NBPF19: variants seen among roughly 807,000 people sequenced by gnomAD.
NBPF19 encodes NBPF member 19.
NBPF19 carries 30 observed loss-of-function variants against 45.9 expected under a neutral mutation model. The ratio of observed to expected loss-of-function variants is 0.65; its 90% CI spans 0.49 to 0.89. The LOEUF is 0.89. Among genes scored for constraint, NBPF19 ranks in the 40% least tolerant of loss-of-function variants. NBPF19 has a pLI of 0.00. For synonymous variants in NBPF19, 183 were observed against 181.2 expected (o/e 1.01, Z -0.08); for missense variants, 495 against 471.8 (o/e 1.05, Z -0.46).
rs1258519327 is a variant in NBPF19 at position 149,554,471 on chromosome 1, C to G, written c.11289-24C>G. 51 of 1,607,854 alleles carry G rather than the reference C, an allele frequency of 3.2e-5. 5 individuals carry two copies. The highest frequency in any genetic ancestry group is 4.2e-5 in the Non-Finnish European group (49 of 1,176,668). Reference sequence around the variant, plus strand: ...GGTGTCTGATTTTCCCTGGCTGCTTCTTTAGTTTTGTCTCCTTTTCCAGGC... The same window carrying G: ...GGTGTCTGATTTTCCCTGGCTGCTTGTTTAGTTTTGTCTCCTTTTCCAGGC... On this transcript the variant is annotated intron_variant, in intron 93 of 93. Coordinates refer to ENST00000651566, the MANE Select transcript of NBPF19 (RefSeq NM_001351365.2).
chr1:149,490,917 TGTGC>T lies in NBPF19; in HGVS notation c.1491-218_1491-215del, dbSNP rs1264217637. Among the ~76,000 whole-genome samples the T allele has an allele frequency of 1.4e-4, 18 of 131,102 alleles. 3 individuals are homozygous for T. The highest frequency in any genetic ancestry group is 5.6e-4 in the East Asian group (2 of 3,574). The allele number at this position is 131,102 out of a possible 152,430, so 86.0% of individuals were successfully genotyped here. On this transcript the variant is annotated intron_variant, in intron 13 of 93. Coordinates refer to ENST00000651566, the MANE Select transcript of NBPF19 (RefSeq NM_001351365.2). ...CTCTCTCTGTGTGTGTGTGTGTGTG[TGTGC>T]GTGTGTGTGTGTGTGTGTGTGTGTC... is the stretch of plus-strand genomic sequence containing the variant.
intron 73 of NBPF19, among the ~76,000 whole-genome samples, chr1:149,538,452 T>C (rs1191985356): frequency 5.5e-4 from 19 of 34,356 alleles, no homozygotes; most frequent in Non-Finnish European, 1.3e-3. Flanking sequence ...TGTGTGTGTG[T>C]GTGTGTGTGT....
At chr1:149,483,801 C>T (rs2085350575) in intron 7 of NBPF19, among the ~76,000 whole-genome samples, 2 of 61,250 alleles carry the variant, frequency 3.3e-5, no homozygotes. Flanking sequence ...CTTTGTTTGG[C>T]TGGATATGAA....
chr1:149,476,883 C>T (rs2084866420), intron 2 of NBPF19, among the ~76,000 whole-genome samples: 1 of 148,334 alleles, frequency 6.7e-6, no homozygotes, highest in African/African-American at 2.5e-5. Context: ...TGCAGTGAGC[C>T]AAGATTGCAC....
At chr1:149,494,136 C>T (rs2085988060) in intron 17 of NBPF19, among the ~76,000 whole-genome samples, 182 bp from the exon 18 acceptor site, 1 of 132,808 alleles carries the variant, frequency 7.5e-6, no homozygotes, top group Non-Finnish European at 1.5e-5. Context: ...CTGTCTTTCT[C>T]TTTCATTCTT....
intron 7 of NBPF19, among the ~76,000 whole-genome samples, chr1:149,484,554 T>TG (rs1443147395): frequency 1.4e-5 from 2 of 143,894 alleles, no homozygotes; most frequent in African/African-American, 5.2e-5. Flanking sequence ...ACTATACATA[T>TG]GGAAAAAAAA....
chr1:149,554,454 A>G lies in NBPF19; in HGVS notation c.11289-41A>G, dbSNP rs1453194917. ...ATCTAGTGGGGCTCTGTGGTGTCTGATTTTCCCTGGCTGCTTCTTTAGTTT... is the reference window on the plus strand; with the variant it reads ...ATCTAGTGGGGCTCTGTGGTGTCTGGTTTTCCCTGGCTGCTTCTTTAGTTT... On this transcript the variant is annotated intron_variant, in intron 93 of 93. Transcript: ENST00000651566. 3.1e-6 allele frequency: 5 copies of G among 1,607,166 alleles called. 1 individual carries two copies. The highest frequency in any genetic ancestry group is 1.3e-5 in the African/African-American group (1 of 74,412).
intron 9 of NBPF19, among the ~76,000 whole-genome samples, 160 bp downstream of exon 9, chr1:149,487,543 T>C (rs2085624736): frequency 6.6e-6 from 1 of 151,230 alleles, no homozygotes. Context: ...AGTAAATGTT[T>C]AGGTTTCCAT....
intron 13 of NBPF19, 74 bp from the exon 14 acceptor site, chr1:149,491,065 C>T (rs1414279163): frequency 9.2e-6 from 3 of 325,548 alleles, no homozygotes; most frequent in African/African-American, 9.6e-5. Flanking sequence ...CCTATGCTAC[C>T]CATGAAACCT....
chr1:149,528,871 C>G (rs1167643106), intron 61 of NBPF19, among the ~76,000 whole-genome samples: 1 of 122,572 alleles, frequency 8.2e-6, no homozygotes, highest in Non-Finnish European at 1.7e-5. Flanking sequence ...GTCCTGAGGG[C>G]ACTAACTCAG....
chr1:149,487,473 T>A, intron 9 of NBPF19, 90 bp downstream of exon 9: 1 of 981,248 alleles, frequency 1.0e-6, no homozygotes, highest in Non-Finnish European at 1.6e-6. Flanking sequence ...AAAATAATGA[T>A]TTTGTCTTGT....
chr1:149,477,596 G>T (rs1475879096), intron 2 of NBPF19, among the ~76,000 whole-genome samples: 1 of 151,432 alleles, frequency 6.6e-6, no homozygotes, highest in African/African-American at 2.4e-5. Flanking sequence ...ACTACTTCAT[G>T]CCCCAGTGCA....
rs1485320451 is a variant in NBPF19, at chr1:149,554,780, G to A, written c.*42G>A. 3.3e-3 allele frequency: 5,259 copies of A among 1,606,850 alleles called. 137 individuals carry two copies. Among genetic ancestry groups the A allele is most frequent in the Non-Finnish European group, 3.8e-3 (4,420 of 1,175,568 alleles). ...CGAGAGATGTCATTCCTGCAGGCAG[G>A]ACCTATAGGCACGTGAAGATTTGAA... On this transcript the variant is annotated 3_prime_UTR_variant, in exon 94 of 94. Coordinates refer to ENST00000651566, the MANE Select transcript of NBPF19 (RefSeq NM_001351365.2).
chr1:149,477,964 C>T lies in NBPF19; in HGVS notation c.195C>T (p.Asp65=). 4.9e-6 allele frequency: 7 copies of T among 1,430,216 alleles called. No homozygotes were observed. Among genetic ancestry groups the T allele is most frequent in the Middle Eastern group, 4.9e-4 (2 of 4,122 alleles). The allele number at this position is 1,430,216 out of a possible 1,614,324, so 88.6% of individuals were successfully genotyped here. A position where few individuals can be genotyped will look rare whatever the true frequency, so the allele number is the denominator to read the frequency against. The change falls in exon 3 of 94, where the codon GAC becomes GAT. Residue 65 remains aspartate (D), a synonymous_variant. Transcript: ENST00000651566. ...TCTCAGAGTATGAAGAGTGTAAAGACCTCATAAAATTTATGCTGAGGAATG... is the reference window on the plus strand; with the variant it reads ...TCTCAGAGTATGAAGAGTGTAAAGATCTCATAAAATTTATGCTGAGGAATG... The part of the protein sequence containing the change: ...QKKYKYEECK[D]LIKFMLRNER...
rs1270901615 is a variant in NBPF19, at chr1:149,477,831, C to G, written c.176-114C>G. 87 of 833,484 alleles carry G rather than the reference C, an allele frequency of 1.0e-4. 2 individuals are homozygous for G. The East Asian group carries it at 1.9e-3, about 18-fold the overall frequency. 51.6% of individuals were successfully genotyped at this position (833,484 alleles called of 1,614,324 possible). Reference sequence around the variant, plus strand: ...AGATGTGGAAATCCCTGTCTAGACCCTGGTACTGGGGAGAGTTTTGTCCTT... The same window carrying G: ...AGATGTGGAAATCCCTGTCTAGACCGTGGTACTGGGGAGAGTTTTGTCCTT... On this transcript the variant is annotated intron_variant, in intron 2 of 93. Coordinates refer to ENST00000651566, the MANE Select transcript of NBPF19 (RefSeq NM_001351365.2).
At chr1:149,479,695 A>G (rs2085057728) in intron 4 of NBPF19, among the ~76,000 whole-genome samples, 1 of 149,866 alleles carries the variant, frequency 6.7e-6, no homozygotes, top group East Asian at 2.0e-4. Flanking sequence ...CCTGAATAAC[A>G]CAGCAGAAGC....
Position 149,554,913 on chromosome 1 carries a change from C to T in NBPF19, c.*175C>T. Reference sequence around the variant, plus strand: ...TGGCAACCTGTGCTCAGTCTGAAGACAATGGACCCACGTTAGGTGTGACAC... The same window carrying T: ...TGGCAACCTGTGCTCAGTCTGAAGATAATGGACCCACGTTAGGTGTGACAC... On this transcript the variant is annotated 3_prime_UTR_variant, in exon 94 of 94. Transcript: ENST00000651566. 4.3e-6 allele frequency: 5 copies of T among 1,173,190 alleles called. 1 individual carries two copies. Among genetic ancestry groups the T allele is most frequent in the Middle Eastern group, 6.0e-4 (2 of 3,308 alleles). The allele number at this position is 1,173,190 out of a possible 1,614,324, so 72.7% of individuals were successfully genotyped here.
At chr1:149,487,934 G>A (rs1414818612) in intron 9 of NBPF19, 79 bp from the exon 10 acceptor site, 3 of 725,128 alleles carry the variant, frequency 4.1e-6, no homozygotes, top group Admixed American at 2.0e-5. Context: ...TCTTCCTTAT[G>A]TTAGCCATGA....
Position 149,556,192 on chromosome 1 carries a change from G to T in NBPF19, c.*1454G>T, listed in dbSNP as rs1460365372. The T allele has an allele frequency of 1.4e-5, 2 of 147,294 alleles. No homozygotes were observed. Among genetic ancestry groups the T allele is most frequent in the Non-Finnish European group, 3.0e-5 (2 of 66,610 alleles). The allele number at this position is 147,294 out of a possible 1,614,324, so 9.1% of individuals were successfully genotyped here. On this transcript the variant is annotated 3_prime_UTR_variant, in exon 94 of 94. Coordinates refer to ENST00000651566, the MANE Select transcript of NBPF19 (RefSeq NM_001351365.2). ...TTGCAAAAAGAAGAAAACATTCTCTGCCTGAGTTTTAATTTTTGTCCAAAG... is the reference window on the plus strand; with the variant it reads ...TTGCAAAAAGAAGAAAACATTCTCTTCCTGAGTTTTAATTTTTGTCCAAAG...
Sources: gnomAD v4.1 joint callset for allele counts (sites outside exome capture counted in the v4.1 genomes callset) on GRCh38, gnomAD v4.1.1 for gene constraint, MANE v1.5 for transcripts, NCBI Gene and HGNC (gene_info 2026-07-23, HGNC 2026-07-21) for gene names.